Variants in NTN1 observed in about 807,000 individuals in gnomAD.
NTN1 encodes the protein netrin-1.
A neutral mutation model predicts 54.2 loss-of-function variants in NTN1; 11 were observed. The observed-to-expected ratio is 0.20, with a 90% confidence interval of 0.13 to 0.34. The LOEUF (loss-of-function observed/expected upper bound fraction) is 0.34, where lower values mean the gene tolerates loss of function less well. NTN1 is among the 10% of genes least tolerant of loss of function. The pLI, the probability that NTN1 is intolerant of heterozygous loss-of-function variation, is 1.00. For missense variants in NTN1, 740 were observed against 893.1 expected, an observed-to-expected ratio of 0.83 and a Z score of 2.18; for synonymous variants, 371 against 382.0, an observed-to-expected ratio of 0.97 and a Z score of 0.33.
intron 5 of NTN1, among the ~76,000 whole-genome samples, chr17:9,207,447 G>A (rs1283738383): frequency 6.6e-6 from 1 of 152,112 alleles, no homozygotes; most frequent in Non-Finnish European, 1.5e-5. Context: ...TGTCATGTCG[G>A]GCTTCATCTC....
intron 2 of NTN1, among the ~76,000 whole-genome samples, chr17:9,069,765 G>A (rs2092026793): frequency 6.6e-6 from 1 of 152,188 alleles, no homozygotes; most frequent in Non-Finnish European, 1.5e-5. Context: ...TCCTCCTTAG[G>A]ATAAGGCTAG....
chr17:9,211,739 G>A lies in NTN1; in HGVS notation c.1412-9429G>A, dbSNP rs1371545110. Among the ~76,000 whole-genome samples, 1 of 152,136 alleles carries A rather than the reference G, an allele frequency of 6.6e-6. No individual in the cohort carries two copies. Among genetic ancestry groups the A allele is most frequent in the Non-Finnish European group, 1.5e-5 (1 of 68,034 alleles). On this transcript the variant is annotated intron_variant, in intron 5 of 6. Transcript: ENST00000173229. This position sits in a 1 kb window ranked among gnomAD's most constrained non-coding sequence, Gnocchi z 4.4. ...CTTCACCAGTTTGCTAGGCAGAAGCGCTATATTCTTGTTGGTTTATGTTTT... is the reference window on the plus strand; with the variant it reads ...CTTCACCAGTTTGCTAGGCAGAAGCACTATATTCTTGTTGGTTTATGTTTT...
intron 2 of NTN1, among the ~76,000 whole-genome samples, chr17:9,148,260 G>A (rs946798104): frequency 1.3e-5 from 2 of 152,200 alleles, no homozygotes; most frequent in Non-Finnish European, 1.5e-5. Flanking sequence ...AGCAGATTGA[G>A]AGAGGGAAAT....
At chr17:9,153,958 A>G (rs1597508195) in intron 2 of NTN1, among the ~76,000 whole-genome samples, 2 of 152,178 alleles carry the variant, frequency 1.3e-5, no homozygotes, top group South Asian at 2.1e-4. Context: ...CTGTTTGTCA[A>G]TGGTTTTTAA....
the NTN1 span, among the ~76,000 whole-genome samples, chr17:9,012,855 C>T: frequency 1.3e-5 from 2 of 152,328 alleles, no homozygotes; most frequent in Admixed American, 6.5e-5. Flanking sequence ...AGATCCTAAA[C>T]GCATCCTGTT....
At chr17:9,213,332 G>T (rs1313109829) in intron 5 of NTN1, among the ~76,000 whole-genome samples, 1 of 152,194 alleles carries the variant, frequency 6.6e-6, no homozygotes, top group African/African-American at 2.4e-5. Context: ...CAGCCCTGGT[G>T]CAGGACCTCC....
At chr17:9,155,598 C>T (rs1223034756) in intron 2 of NTN1, among the ~76,000 whole-genome samples, 1 of 151,960 alleles carries the variant, frequency 6.6e-6, no homozygotes, top group African/African-American at 2.4e-5. Context: ...GTCTCGGCCT[C>T]CCAAAGTGCT....
intron 2 of NTN1, among the ~76,000 whole-genome samples, chr17:9,107,093 A>T (rs2092169989): frequency 6.6e-6 from 1 of 152,202 alleles, no homozygotes; most frequent in South Asian, 2.1e-4. Context: ...ACACTTATTT[A>T]CACTTGGGGT....
At chr17:9,142,489 G>C (rs889791707) in intron 2 of NTN1, among the ~76,000 whole-genome samples, 3 of 151,814 alleles carry the variant, frequency 2.0e-5, no homozygotes, top group African/African-American at 7.3e-5. Context: ...TTCTCTGTCA[G>C]CTTCCTTTTC....
chr17:9,012,993 A>G, the NTN1 span, among the ~76,000 whole-genome samples: 1 of 152,022 alleles, frequency 6.6e-6, no homozygotes. Context: ...AGGGGGATGT[A>G]TACATTCTAG....
Position 9,055,986 on chromosome 17 carries a change from C to T in NTN1, c.1018+32595C>T, listed in dbSNP as rs185812884. On this transcript the variant is annotated intron_variant, in intron 2 of 6. Transcript: ENST00000173229. ...AATCTGTGCTCACTGCAGCCTCAAC[C>T]TCCCAGACTCAGGTGATCCTCCTGC... 2.8e-3 allele frequency among the ~76,000 whole-genome samples: 432 copies of T among 152,270 alleles called. 3 individuals carry two copies. The highest frequency in any genetic ancestry group is 2.7e-3 in the South Asian group (13 of 4,830).
chr17:9,230,706 C>T (rs958134526), intron 6 of NTN1, among the ~76,000 whole-genome samples: 5 of 152,128 alleles, frequency 3.3e-5, no homozygotes, highest in Non-Finnish European at 5.9e-5. Context: ...CCCAGCACAG[C>T]GACTTGCCAT....
chr17:9,082,267 G>T (rs190927234), intron 2 of NTN1, among the ~76,000 whole-genome samples: 83 of 152,248 alleles, frequency 5.5e-4, no homozygotes, highest in African/African-American at 1.9e-3. Context: ...TGCCACGTTG[G>T]CTAGGCTGGT....
intron 5 of NTN1, among the ~76,000 whole-genome samples, chr17:9,195,162 G>T (rs1304572258): frequency 6.6e-6 from 1 of 151,744 alleles, no homozygotes; most frequent in East Asian, 2.0e-4. Flanking sequence ...CAGAGGTCAG[G>T]CTGGGGGTGA....
intron 5 of NTN1, among the ~76,000 whole-genome samples, chr17:9,193,079 CA>C (rs528295578): frequency 8.1e-4 from 86 of 105,928 alleles, no homozygotes; most frequent in South Asian, 1.3e-3. Context: ...GACTCTGTCT[CA>C]AAAAAAAAAA....
intron 5 of NTN1, among the ~76,000 whole-genome samples, chr17:9,216,769 G>A (rs1363239095): frequency 6.6e-6 from 1 of 152,230 alleles, no homozygotes; most frequent in African/African-American, 2.4e-5. Flanking sequence ...GAGACTGGGT[G>A]CGGTGGCTCA....
At chr17:9,190,955 T>G (rs1344951836) in intron 5 of NTN1, among the ~76,000 whole-genome samples, 3 of 152,188 alleles carry the variant, frequency 2.0e-5, no homozygotes, top group Admixed American at 2.0e-4. Context: ...AATCAATCAG[T>G]AAATGGTCCT....
chr17:9,086,109 AT>A (rs2092089302), intron 2 of NTN1, among the ~76,000 whole-genome samples: 1 of 152,164 alleles, frequency 6.6e-6, no homozygotes, highest in South Asian at 2.1e-4. Flanking sequence ...ATTTAAGATT[AT>A]TATTTCCTCC....
rs71135952 is a variant in NTN1, at chr17:9,210,444, CCACACA to C, written c.1412-10706_1412-10701del. 5.5e-4 allele frequency among the ~76,000 whole-genome samples: 56 copies of C among 100,974 alleles called. 2 individuals are homozygous for C. The highest frequency in any genetic ancestry group is 1.7e-3 in the East Asian group (8 of 4,726). The allele number at this position is 100,974 out of a possible 152,430, so 66.2% of individuals were successfully genotyped here. ...TGCACACACACACACACCCCCACAC[CCACACA>C]CACACACACACACACACTCTTCTGC... On this transcript the variant is annotated intron_variant, in intron 5 of 6. Coordinates refer to ENST00000173229, the MANE Select transcript of NTN1 (RefSeq NM_004822.3).
Sources: gnomAD v4.1 joint callset for allele counts (sites outside exome capture counted in the v4.1 genomes callset) on GRCh38, gnomAD v4.1.1 for gene constraint, Gnocchi (gnomAD v3.1) non-coding constraint, MANE v1.5 for transcripts, NCBI Gene and HGNC (gene_info 2026-07-23, HGNC 2026-07-21) for gene names.